Variants in GMPS observed in about 807,000 individuals in gnomAD.
GMPS encodes GMP synthase [glutamine-hydrolyzing].
A neutral mutation model predicts 77.9 loss-of-function variants in GMPS; 15 were observed. The observed-to-expected ratio is 0.19, with a 90% CI of 0.13 to 0.30. GMPS has a LOEUF of 0.30. Among genes scored for constraint, GMPS ranks in the 10% least tolerant of loss-of-function variants. The pLI is 1.00. For synonymous variants in GMPS, 224 were observed against 275.9 expected, an observed-to-expected ratio of 0.81 and a Z score of 1.86; for missense variants, 590 against 838.8, an observed-to-expected ratio of 0.70 and a Z score of 3.66.
At chr3:155,905,528 T>C (rs559825642) in intron 4 of GMPS, among the ~76,000 whole-genome samples, 3 of 152,334 alleles carry the variant, frequency 2.0e-5, no homozygotes, top group South Asian at 4.1e-4. Context: ...TCTAGGACTT[T>C]CAGATAACAG....
chr3:155,886,611 C>T (rs1226981968), intron 1 of GMPS, among the ~76,000 whole-genome samples: 12 of 78,046 alleles, frequency 1.5e-4, no homozygotes, highest in East Asian at 4.8e-4. Context: ...TTCCTGATGA[C>T]TTTTTTTTTT....
Position 155,941,293 on chromosome 3 carries a change from A to G in GMPS, c.*3601A>G, listed in dbSNP as rs902187068. On this transcript the variant is annotated 3_prime_UTR_variant, in exon 16 of 16. Transcript: ENST00000496455. ...GTGGCGGGTGCCTGTAGTCCCAGCTACTCGGGAGGCTGAGGCAGGAGAATG... is the reference window on the plus strand; with the variant it reads ...GTGGCGGGTGCCTGTAGTCCCAGCTGCTCGGGAGGCTGAGGCAGGAGAATG... 16 of 176,664 alleles carry G rather than the reference A, an allele frequency of 9.1e-5. No individual in the cohort carries two copies. Among genetic ancestry groups the G allele is most frequent in the Admixed American group, 3.8e-4 (6 of 15,768 alleles). The allele number at this position is 176,664 out of a possible 1,614,324, so 10.9% of individuals were successfully genotyped here. A position where few individuals can be genotyped will look rare whatever the true frequency, so the allele number is the denominator to read the frequency against.
At chr3:155,887,509 A>G (rs999737423) in intron 1 of GMPS, among the ~76,000 whole-genome samples, 1 of 152,216 alleles carries the variant, frequency 6.6e-6, no homozygotes, top group Non-Finnish European at 1.5e-5. Flanking sequence ...AAAAAGGTCA[A>G]TGCCATAAAA....
At chr3:155,903,200 G>T (rs895172830) in intron 3 of GMPS, among the ~76,000 whole-genome samples, 11 of 152,170 alleles carry the variant, frequency 7.2e-5, no homozygotes, top group Non-Finnish European at 1.5e-4. Flanking sequence ...AAAATCTTCT[G>T]TATATTTATC....
chr3:155,931,697 A>AT, intron 12 of GMPS, 68 bp from the exon 13 acceptor site: 3 of 573,036 alleles, frequency 5.2e-6, no homozygotes, highest in East Asian at 6.4e-5. Context: ...AAAAAAAAAA[A>AT]GCTTTGTCAA....
chr3:155,900,336 C>T (rs1312817101), intron 3 of GMPS, among the ~76,000 whole-genome samples: 1 of 150,538 alleles, frequency 6.6e-6, no homozygotes, highest in Non-Finnish European at 1.5e-5. Flanking sequence ...AGAGCCTGCA[C>T]CCTGATTGAG....
chr3:155,943,893 G>A lies in GMPS; in HGVS notation c.*6201G>A, dbSNP rs1755951441. 6.6e-6 allele frequency: 1 copy of A among 152,482 alleles called. No individual in the cohort carries two copies. 9.4% of individuals were successfully genotyped at this position (152,482 alleles called of 1,614,324 possible). A position where few individuals can be genotyped will look rare whatever the true frequency, so the allele number is the denominator to read the frequency against. On this transcript the variant is annotated 3_prime_UTR_variant, in exon 16 of 16. Coordinates refer to ENST00000496455, the MANE Select transcript of GMPS (RefSeq NM_003875.3). The stretch of plus-strand genomic sequence containing the variant: ...TATTTCCCTTGCATATATAGTAGGG[G>A]TTAACATTTTGCTCAATGTTAACGG...
intron 2 of GMPS, among the ~76,000 whole-genome samples, chr3:155,895,248 C>A (rs1268021828): frequency 6.6e-6 from 1 of 152,066 alleles, no homozygotes; most frequent in Non-Finnish European, 1.5e-5. Flanking sequence ...TATTTGACCA[C>A]CCCTTTTCTA....
chr3:155,876,302 A>G (rs527528980), intron 1 of GMPS, among the ~76,000 whole-genome samples: 2 of 152,338 alleles, frequency 1.3e-5, no homozygotes, highest in East Asian at 3.9e-4. Flanking sequence ...TTCTCCTGTC[A>G]TCACCCAAGA....
At chr3:155,893,454 T>A in intron 1 of GMPS, 64 bp from the exon 2 acceptor site, 1 of 1,083,662 alleles carries the variant, frequency 9.2e-7, no homozygotes, top group Non-Finnish European at 1.3e-6. Flanking sequence ...TCATTAATTT[T>A]TTTTTAAGTA....
At chr3:155,917,951 GTT>G (rs1755227544) in intron 9 of GMPS, among the ~76,000 whole-genome samples, 2 of 152,040 alleles carry the variant, frequency 1.3e-5, no homozygotes, top group Admixed American at 1.3e-4. Flanking sequence ...ATCCATTTTT[GTT>G]TATCTTTTGG....
At chr3:155,936,600 T>A in intron 15 of GMPS, 90 bp downstream of exon 15, 4 of 741,958 alleles carry the variant, frequency 5.4e-6, no homozygotes, top group Non-Finnish European at 9.0e-6. Context: ...CAGTGCTGTA[T>A]TTCTTATGTT....
At chr3:155,920,771 T>TA (rs2108121072) in intron 10 of GMPS, among the ~76,000 whole-genome samples, 1 of 152,260 alleles carries the variant, frequency 6.6e-6, no homozygotes, top group Non-Finnish European at 1.5e-5. Context: ...AAAACTATCT[T>TA]AAGTATGCTG....
chr3:155,918,141 T>C (rs1755231725), intron 9 of GMPS, among the ~76,000 whole-genome samples: 1 of 152,136 alleles, frequency 6.6e-6, no homozygotes, highest in Non-Finnish European at 1.5e-5. Flanking sequence ...GGTTGTGTTA[T>C]CTGACTTTTA....
chr3:155,936,401 C>T lies in GMPS; in HGVS notation c.1871C>T (p.Pro624Leu), dbSNP rs772483854. Residue 624 changes from proline (P) to leucine (L), a missense_variant, in exon 15 of 16, where the codon CCA (proline) becomes CTA (leucine). Pro to Leu is a moderately conservative substitution (Grantham distance 98). Transcript: ENST00000496455. Reference sequence around the variant, plus strand: ...ACACCATTACATTTTGATCGGGACCCACTTCAAAAGCAGCCTTCATGCCAG... The same window carrying T: ...ACACCATTACATTTTGATCGGGACCTACTTCAAAAGCAGCCTTCATGCCAG... Reference protein sequence around the residue: ...ILTPLHFDRDPLQKQPSCQRS... With the variant: ...ILTPLHFDRDLLQKQPSCQRS... 1 of 1,609,554 alleles carries T rather than the reference C, an allele frequency of 6.2e-7. No homozygotes were observed. Among genetic ancestry groups the T allele is most frequent in the East Asian group, 2.2e-5 (1 of 44,868 alleles).
chr3:155,921,575 A>G (rs1755317058), intron 10 of GMPS, among the ~76,000 whole-genome samples: 1 of 152,152 alleles, frequency 6.6e-6, no homozygotes, highest in Non-Finnish European at 1.5e-5. Flanking sequence ...GCATTTCCAG[A>G]AGCCGAGCTT....
At chr3:155,904,893 C>T (rs1219275913) in intron 4 of GMPS, among the ~76,000 whole-genome samples, 2 of 152,130 alleles carry the variant, frequency 1.3e-5, no homozygotes, top group Non-Finnish European at 2.9e-5. Context: ...CTATACTATT[C>T]CTAAACAACA....
chr3:155,890,988 T>A (rs567887898), intron 1 of GMPS, among the ~76,000 whole-genome samples: 49 of 152,340 alleles, frequency 3.2e-4, no homozygotes, highest in Non-Finnish European at 5.4e-4. Flanking sequence ...ACTCTGGCTG[T>A]TTGTTGTCCA....
chr3:155,883,945 C>T (rs6799267), intron 1 of GMPS, among the ~76,000 whole-genome samples: 92,965 of 151,916 alleles, frequency 0.61, 29,002 homozygotes, highest in African/African-American at 0.64. Flanking sequence ...CAGGTTGATT[C>T]GGGCTGATTG....
Sources: gnomAD v4.1 joint callset for allele counts (sites outside exome capture counted in the v4.1 genomes callset) on GRCh38, gnomAD v4.1.1 for gene constraint, MANE v1.5 for transcripts, NCBI Gene and HGNC (gene_info 2026-07-23, HGNC 2026-07-21) for gene names.